The following ADAMTSL1 variants were observed in gnomAD, a reference collection of about 807,000 sequenced individuals.
ADAMTSL1 encodes ADAMTS-like protein 1.
In ADAMTSL1, 126 loss-of-function variants were observed where a neutral mutation model predicts 201.8. That is an observed-to-expected ratio of 0.62 (90% CI 0.54 to 0.72). The LOEUF (loss-of-function observed/expected upper bound fraction) is 0.72, where lower values mean the gene tolerates loss of function less well. ADAMTSL1 is among the 30% of genes least tolerant of loss of function. The pLI, the probability that ADAMTSL1 is intolerant of heterozygous loss-of-function variation, is 0.00. For missense variants in ADAMTSL1, 2,679 were observed against 2,277.8 expected, an observed-to-expected ratio of 1.18 and a Z score of -3.59; for synonymous variants, 1,121 against 903.4, an observed-to-expected ratio of 1.24 and a Z score of -4.32.
chr9:18,349,905 GTGCAA>G (rs1835889175), intron 2 of ADAMTSL1, among the ~76,000 whole-genome samples: 1 of 150,450 alleles, frequency 6.6e-6, no homozygotes, highest in Non-Finnish European at 1.5e-5. Flanking sequence ...TATTAGGTTG[GTGCAA>G]AAGTAATGGC....
chr9:18,867,334 G>T (rs1451052966), intron 23 of ADAMTSL1, among the ~76,000 whole-genome samples: 3 of 152,214 alleles, frequency 2.0e-5, no homozygotes, highest in Admixed American at 6.5e-5. Context: ...GGCTGGTACA[G>T]CAATTGTTTT....
chr9:18,683,364 A>G (rs1393220900), intron 12 of ADAMTSL1, among the ~76,000 whole-genome samples: 1 of 151,106 alleles, frequency 6.6e-6, no homozygotes, highest in Non-Finnish European at 1.5e-5. Flanking sequence ...AACTGGGATT[A>G]CAGGCGCATG....
intron 2 of ADAMTSL1, among the ~76,000 whole-genome samples, chr9:18,198,148 A>G (rs1296528498): frequency 1.3e-5 from 2 of 152,164 alleles, no homozygotes; most frequent in African/African-American, 2.4e-5. Context: ...CTAAAACCAT[A>G]AAAACCCTAG....
At chr9:18,124,784 A>G (rs1174958352) in intron 1 of ADAMTSL1, among the ~76,000 whole-genome samples, 1 of 152,188 alleles carries the variant, frequency 6.6e-6, no homozygotes, top group Admixed American at 6.5e-5. Flanking sequence ...TCAAAAGGGA[A>G]TTTTTAAGTT....
At chr9:18,527,337 G>A (rs1283456362) in intron 2 of ADAMTSL1, among the ~76,000 whole-genome samples, 1 of 152,164 alleles carries the variant, frequency 6.6e-6, no homozygotes, top group Non-Finnish European at 1.5e-5. Flanking sequence ...AAACCCAGAA[G>A]TGTTAAATGC....
chr9:18,507,173 T>C (rs2131945976), intron 2 of ADAMTSL1, among the ~76,000 whole-genome samples: 1 of 152,326 alleles, frequency 6.6e-6, no homozygotes, highest in East Asian at 1.9e-4. Context: ...TTAATTCTGA[T>C]CCTTGTAAGA....
intron 1 of ADAMTSL1, among the ~76,000 whole-genome samples, chr9:17,928,390 A>C (rs1035880073): frequency 2.0e-5 from 3 of 152,188 alleles, no homozygotes; most frequent in Non-Finnish European, 2.9e-5. Flanking sequence ...TTTTGAACTC[A>C]AGGTAGAGCT....
intron 2 of ADAMTSL1, among the ~76,000 whole-genome samples, chr9:18,423,166 G>T (rs186003201): frequency 1.3e-5 from 2 of 152,152 alleles, no homozygotes; most frequent in African/African-American, 2.4e-5. Flanking sequence ...GAACTAACCT[G>T]GCTCTGAGCC....
intron 15 of ADAMTSL1, among the ~76,000 whole-genome samples, chr9:18,735,743 T>TTTTTTCTTTTA (rs141660232): frequency 3.9e-5 from 5 of 128,684 alleles, no homozygotes; most frequent in Non-Finnish European, 8.0e-5. Flanking sequence ...ACGGCATTCT[T>TTTTTTCTTTTA]TTTTCTTTTT....
intron 2 of ADAMTSL1, among the ~76,000 whole-genome samples, chr9:18,211,939 T>C (rs1373739065): frequency 6.6e-6 from 1 of 152,200 alleles, no homozygotes; most frequent in African/African-American, 2.4e-5. Flanking sequence ...CCTGTTTTCA[T>C]GACAGTGTTT....
chr9:18,702,559 A>G (rs1201120223), intron 13 of ADAMTSL1, among the ~76,000 whole-genome samples: 1 of 152,184 alleles, frequency 6.6e-6, no homozygotes, highest in East Asian at 1.9e-4. Flanking sequence ...AATGAAAGGA[A>G]CAATTAAGCT....
At chr9:18,210,205 C>T (rs1011200841) in intron 2 of ADAMTSL1, among the ~76,000 whole-genome samples, 1 of 151,400 alleles carries the variant, frequency 6.6e-6, no homozygotes, top group Non-Finnish European at 1.5e-5. Flanking sequence ...TTCTTTCTTT[C>T]CTTTCTCTTT....
At chr9:18,336,003 C>G (rs1440599296) in intron 2 of ADAMTSL1, among the ~76,000 whole-genome samples, 1 of 152,072 alleles carries the variant, frequency 6.6e-6, no homozygotes, top group Non-Finnish European at 1.5e-5. Flanking sequence ...GGCATTGAAT[C>G]AAGTCTCTTT....
In ADAMTSL1 at chr9:18,244,400, C is replaced by A. The variant is rs1232004554; in HGVS notation, c.207+80419C>A. 2.6e-5 allele frequency among the ~76,000 whole-genome samples: 4 copies of A among 152,000 alleles called. No homozygotes were observed. In the East Asian group the frequency reaches 7.7e-4, roughly 29 times the overall value. On this transcript the variant is annotated intron_variant, in intron 2 of 29. Coordinates refer to the ADAMTSL1 transcript ENST00000680146. ...TGTCTACTACATTAAGGTATACATC[C>A]AACCTCTGATATGATACATCCTAGC...
intron 26 of ADAMTSL1, among the ~76,000 whole-genome samples, chr9:18,894,466 G>T (rs946961562): frequency 1.3e-5 from 2 of 150,996 alleles, no homozygotes; most frequent in Non-Finnish European, 2.9e-5. Flanking sequence ...GAGAATGAAG[G>T]TATTGAGCAG....
At chr9:18,433,970 GA>G (rs1819610123) in intron 2 of ADAMTSL1, among the ~76,000 whole-genome samples, 1 of 152,180 alleles carries the variant, frequency 6.6e-6, no homozygotes, top group Non-Finnish European at 1.5e-5. Flanking sequence ...AGAGCTGTTA[GA>G]AACTGTAAAT....
At chr9:18,842,934 G>A (rs4977261) in intron 23 of ADAMTSL1, among the ~76,000 whole-genome samples, 16,681 of 151,542 alleles carry the variant, frequency 0.11, 1,466 homozygotes, top group African/African-American at 0.24. Flanking sequence ...ATGTCTCTGC[G>A]CGTGAGATGG....
intron 2 of ADAMTSL1, among the ~76,000 whole-genome samples, chr9:18,295,372 C>G (rs1014476543): frequency 4.6e-5 from 7 of 151,114 alleles, no homozygotes; most frequent in Non-Finnish European, 1.0e-4. Context: ...CAGAGTATCA[C>G]TCTGTCACCA....
intron 14 of ADAMTSL1, among the ~76,000 whole-genome samples, chr9:18,711,937 C>T (rs1483821325): frequency 9.6e-5 from 8 of 83,238 alleles, no homozygotes; most frequent in Non-Finnish European, 1.9e-4. Flanking sequence ...GGGTCCCTGA[C>T]CCCTGACCCC....
Sources: allele counts gnomAD v4.1 joint callset (sites outside exome capture counted in the v4.1 genomes callset), GRCh38; gene constraint gnomAD v4.1.1; transcripts MANE v1.5; gene names NCBI Gene and HGNC (gene_info 2026-07-23, HGNC 2026-07-21).